The following LMCD1 variants were observed in gnomAD, a reference collection of about 807,000 sequenced individuals.
LMCD1 encodes LIM and cysteine-rich domains protein 1.
Under a neutral mutation model 42.7 loss-of-function variants are expected in LMCD1, and 32 were observed. The observed-to-expected ratio is 0.75, with a 90% confidence interval of 0.57 to 1.01. The LOEUF (loss-of-function observed/expected upper bound fraction) is 1.01, where lower values mean the gene tolerates loss of function less well. Ranked by LOEUF, LMCD1 falls within the 50% of genes least tolerant of loss-of-function variation. LMCD1 has a pLI of 0.00. For synonymous variants in LMCD1, 178 were observed against 184.9 expected (o/e 0.96, Z 0.30); for missense variants, 458 against 483.1 (o/e 0.95, Z 0.49).
At chr3:8,557,471 C>A (rs1262147935) in intron 4 of LMCD1, among the ~76,000 whole-genome samples, 1 of 152,134 alleles carries the variant, frequency 6.6e-6, no homozygotes, top group Non-Finnish European at 1.5e-5. Flanking sequence ...TGGATAAGAG[C>A]CTTTTGGAGG....
intron 1 of LMCD1, among the ~76,000 whole-genome samples, chr3:8,519,972 A>T (rs1694172738): frequency 6.6e-6 from 1 of 151,952 alleles, no homozygotes; most frequent in African/African-American, 2.4e-5. Flanking sequence ...ATAATAGTTA[A>T]CCCAGGAATT....
chr3:8,530,494 C>T (rs541772663), intron 1 of LMCD1, among the ~76,000 whole-genome samples: 13 of 152,356 alleles, frequency 8.5e-5, no homozygotes, highest in African/African-American at 3.1e-4. Context: ...AGCATCAGAA[C>T]TAATCCCCTT....
chr3:8,504,300 A>C (rs1693830682), intron 1 of LMCD1, among the ~76,000 whole-genome samples: 1 of 152,254 alleles, frequency 6.6e-6, no homozygotes, highest in East Asian at 1.9e-4. Flanking sequence ...CTTTTACTGC[A>C]TATTTATTTT....
At chr3:8,537,493 G>A (rs1351728050) in intron 3 of LMCD1, 53 bp downstream of exon 3, 9 of 1,492,294 alleles carry the variant, frequency 6.0e-6, no homozygotes, top group Non-Finnish European at 8.0e-6. Flanking sequence ...ATAAATACTA[G>A]CCATGTCAAG....
intron 3 of LMCD1, among the ~76,000 whole-genome samples, chr3:8,540,203 T>A (rs1694597732): frequency 6.6e-6 from 1 of 152,112 alleles, no homozygotes; most frequent in Non-Finnish European, 1.5e-5. Context: ...TACCGAATGA[T>A]CAAGACTGAT....
rs544027800 is a variant in LMCD1, at chr3:8,544,765, G to T, written c.388-3803G>T. On this transcript the variant is annotated intron_variant, in intron 3 of 5. Transcript: ENST00000157600. Reference sequence around the variant, plus strand: ...AGTCCAGCCCCAAGCGATAAGCTATGGGCCAGATGGGTTCTAGGAGGATGA... The same window carrying T: ...AGTCCAGCCCCAAGCGATAAGCTATTGGCCAGATGGGTTCTAGGAGGATGA... Among the ~76,000 whole-genome samples, 5 of 152,282 alleles carry T rather than the reference G, an allele frequency of 3.3e-5. No individual in the cohort carries two copies. The South Asian group carries it at 1.0e-3, about 32-fold the overall frequency.
chr3:8,513,678 A>C (rs902196985), intron 1 of LMCD1, among the ~76,000 whole-genome samples: 1 of 152,208 alleles, frequency 6.6e-6, no homozygotes, highest in Non-Finnish European at 1.5e-5. Flanking sequence ...TGATAAATAG[A>C]GGTAATATCA....
chr3:8,524,859 G>A (rs574008911), intron 1 of LMCD1, among the ~76,000 whole-genome samples: 103 of 152,044 alleles, frequency 6.8e-4, no homozygotes, highest in African/African-American at 2.3e-3. Flanking sequence ...TAATTTTTTA[G>A]TTTTCTGTAG....
At chr3:8,524,885 A>G (rs911960674) in intron 1 of LMCD1, among the ~76,000 whole-genome samples, 5 of 151,964 alleles carry the variant, frequency 3.3e-5, no homozygotes, top group African/African-American at 1.2e-4. Flanking sequence ...AGGTGTCACT[A>G]TGTTGCCCAG....
intron 4 of LMCD1, among the ~76,000 whole-genome samples, chr3:8,561,951 T>C (rs901257798): frequency 6.6e-6 from 1 of 152,058 alleles, no homozygotes; most frequent in African/African-American, 2.4e-5. Flanking sequence ...GTTCCCATTC[T>C]TTAGAGGATG....
rs1574958583 is a variant in LMCD1 at position 8,532,753 on chromosome 3, T to G, written c.59T>G (p.Leu20Arg). 5 of 1,613,986 alleles carry G rather than the reference T, an allele frequency of 3.1e-6. No homozygotes were observed. The highest frequency in any genetic ancestry group is 4.2e-6 in the Non-Finnish European group (5 of 1,179,912). Residue 20 changes from leucine to arginine, a missense_variant, in exon 2 of 6, where the codon CTG becomes CGG. Coordinates refer to ENST00000157600, the MANE Select transcript of LMCD1 (RefSeq NM_014583.4). Reference sequence around the variant, plus strand: ...CTTTTCCAGATGTCCCTGGGCCAGCTGCAGTCAGCAAGAGGTGTGGCATGT... The same window carrying G: ...CTTTTCCAGATGTCCCTGGGCCAGCGGCAGTCAGCAAGAGGTGTGGCATGT... Reference protein sequence around the residue: ...PGVKKMSLGQLQSARGVACLG... With the variant: ...PGVKKMSLGQRQSARGVACLG...
chr3:8,509,756 C>T (rs1011685464), intron 1 of LMCD1, among the ~76,000 whole-genome samples: 1 of 152,156 alleles, frequency 6.6e-6, no homozygotes, highest in African/African-American at 2.4e-5. Flanking sequence ...AGAGCCACAT[C>T]TCAACTCTGG....
At chr3:8,543,476 TAGAC>T (rs1354539639) in intron 3 of LMCD1, among the ~76,000 whole-genome samples, 21 of 151,502 alleles carry the variant, frequency 1.4e-4, no homozygotes, top group South Asian at 6.3e-4. Flanking sequence ...GACAGACAGA[TAGAC>T]AGACAGACAG....
chr3:8,521,601 G>A (rs1442227021), intron 1 of LMCD1, among the ~76,000 whole-genome samples: 3 of 152,184 alleles, frequency 2.0e-5, no homozygotes, highest in Non-Finnish European at 4.4e-5. Context: ...CTTGAAAAAT[G>A]TGCTGATTTG....
chr3:8,553,002 T>C (rs1408225137), intron 4 of LMCD1, among the ~76,000 whole-genome samples: 1 of 152,182 alleles, frequency 6.6e-6, no homozygotes, highest in African/African-American at 2.4e-5. Context: ...TATGTATTTA[T>C]TTATGTGGGA....
At chr3:8,555,044 T>C (rs1178568468) in intron 4 of LMCD1, among the ~76,000 whole-genome samples, 3 of 152,044 alleles carry the variant, frequency 2.0e-5, no homozygotes, top group Non-Finnish European at 4.4e-5. Flanking sequence ...TTGAGAGAAG[T>C]GAAGATGTTC....
At chr3:8,521,608 T>G (rs1694206713) in intron 1 of LMCD1, among the ~76,000 whole-genome samples, 2 of 152,218 alleles carry the variant, frequency 1.3e-5, no homozygotes, top group African/African-American at 4.8e-5. Flanking sequence ...AATGTGCTGA[T>G]TTGAGTCTTA....
At chr3:8,505,044 T>C (rs941039169) in intron 1 of LMCD1, among the ~76,000 whole-genome samples, 2 of 152,156 alleles carry the variant, frequency 1.3e-5, no homozygotes, top group Non-Finnish European at 2.9e-5. Context: ...AAGATGGCTG[T>C]GATAATTAAG....
intron 1 of LMCD1, among the ~76,000 whole-genome samples, chr3:8,511,077 G>A (rs1693988643): frequency 2.0e-5 from 3 of 152,038 alleles, no homozygotes; most frequent in Non-Finnish European, 4.4e-5. Flanking sequence ...CTATTACCTC[G>A]AACAAGTCAT....
Sources: gnomAD v4.1 joint callset for allele counts (sites outside exome capture counted in the v4.1 genomes callset) on GRCh38, gnomAD v4.1.1 for gene constraint, MANE v1.5 for transcripts, NCBI Gene and HGNC (gene_info 2026-07-23, HGNC 2026-07-21) for gene names.